Variants in ITGA2 observed in about 807,000 individuals in gnomAD.
ITGA2 encodes integrin alpha-2.
A neutral mutation model predicts 146.3 loss-of-function variants in ITGA2; 101 were observed. The observed-to-expected ratio is 0.69, with a 90% CI of 0.59 to 0.81. ITGA2 has a LOEUF of 0.81. Ranked by LOEUF, ITGA2 falls within the 40% of genes least tolerant of loss-of-function variation. The probability of loss-of-function intolerance (pLI) is 0.00; values close to 1 mark genes in which losing one functional copy is unlikely to be tolerated. For missense variants in ITGA2, 1,281 were observed against 1,402.7 expected (o/e 0.91, Z 1.39); for synonymous variants, 477 against 487.1 (o/e 0.98, Z 0.27).
intron 5 of ITGA2, 67 bp downstream of exon 5, chr5:53,048,544 A>G: frequency 6.2e-7 from 1 of 1,608,302 alleles, no homozygotes; most frequent in Non-Finnish European, 8.5e-7. Context: ...AAAGGTTATC[A>G]ACTAGTGGCA....
intron 9 of ITGA2, among the ~76,000 whole-genome samples, chr5:53,057,297 C>G (rs189792423): frequency 2.3e-4 from 35 of 152,068 alleles, no homozygotes; most frequent in African/African-American, 7.9e-4. Context: ...CTAAATAAGA[C>G]TATGTTGTAC....
rs1341102199 is a variant in ITGA2 at position 53,026,882 on chromosome 5, CTT to C, written c.185+15_185+16del. On this transcript the variant is annotated intron_variant, in intron 2 of 29. Coordinates refer to ENST00000296585, the MANE Select transcript of ITGA2 (RefSeq NM_002203.4). ...AAAAGGCAACTGGTAAGAATATTCT[CTT>C]CTTTATGATTTCAGTAAAAATACAA... 1.2e-6 allele frequency: 2 copies of C among 1,605,152 alleles called. No individual in the cohort carries two copies. Among genetic ancestry groups the C allele is most frequent in the South Asian group, 2.2e-5 (2 of 90,638 alleles).
intron 1 of ITGA2, among the ~76,000 whole-genome samples, chr5:53,018,235 G>T (rs1742495276): frequency 1.3e-5 from 2 of 152,184 alleles, no homozygotes; most frequent in African/African-American, 4.8e-5. Flanking sequence ...CTTGAGGGAT[G>T]GGCGTTCTTG....
intron 2 of ITGA2, among the ~76,000 whole-genome samples, chr5:53,031,820 G>T (rs1039015498): frequency 8.5e-5 from 13 of 152,304 alleles, no homozygotes; most frequent in Admixed American, 7.8e-4. Context: ...GGGCCATCCC[G>T]CTTCAGAGCC....
intron 23 of ITGA2, among the ~76,000 whole-genome samples, chr5:53,076,647 C>T (rs1388736864): frequency 6.6e-6 from 1 of 151,890 alleles, no homozygotes. Flanking sequence ...TTTGTCAATA[C>T]AGTCTTTTTA....
At chr5:53,015,317 G>T (rs577139781) in intron 1 of ITGA2, among the ~76,000 whole-genome samples, 3 of 152,244 alleles carry the variant, frequency 2.0e-5, no homozygotes, top group East Asian at 1.9e-4. Flanking sequence ...TAGTTTCAAA[G>T]AATTTCTTGA....
At chr5:53,036,355 GC>G (rs1264420911) in intron 2 of ITGA2, among the ~76,000 whole-genome samples, 4 of 152,074 alleles carry the variant, frequency 2.6e-5, no homozygotes, top group African/African-American at 9.7e-5. Flanking sequence ...ATTTCCCTCA[GC>G]TGGAAAGCTG....
At chr5:53,064,827 G>A (rs41311327) in intron 13 of ITGA2, 85 bp from the exon 14 acceptor site, 708 of 1,318,672 alleles carry the variant, frequency 5.4e-4, no homozygotes, top group Non-Finnish European at 6.4e-4. Context: ...TTACAGGCAT[G>A]AGCCACCACA....
chr5:53,086,992 T>C lies in ITGA2; in HGVS notation c.3299T>C (p.Ile1100Thr), dbSNP rs1579912769. ...QTVQLTAAAE[I>T]NTYNPEIYVI... ...GTACAGCTAACGGCAGCTGCAGAAA[T>C]CAACACCTATAACCCTGAGATATAT... Residue 1100 changes from isoleucine to threonine, a missense_variant, in exon 28 of 30, where the codon ATC becomes ACC. By Grantham distance (89) the Ile-to-Thr change is moderately conservative. This residue lies in a region of ITGA2 where 475 missense variants were observed against 530.5 expected (regional missense o/e 0.90). Coordinates refer to ENST00000296585, the MANE Select transcript of ITGA2 (RefSeq NM_002203.4). 1 of 1,613,764 alleles carries C rather than the reference T, an allele frequency of 6.2e-7. No homozygotes were observed. Among genetic ancestry groups the C allele is most frequent in the African/African-American group, 1.3e-5 (1 of 74,918 alleles).
intron 1 of ITGA2, among the ~76,000 whole-genome samples, chr5:52,993,828 A>G (rs1162248634): frequency 6.6e-6 from 1 of 152,220 alleles, no homozygotes; most frequent in African/African-American, 2.4e-5. Flanking sequence ...AGTCTTGACT[A>G]CCAACACTGC....
chr5:53,051,318 TCTAAATGTA>T, intron 6 of ITGA2, 84 bp from the exon 7 acceptor site: 2 of 1,353,650 alleles, frequency 1.5e-6, no homozygotes, highest in South Asian at 2.4e-5. Context: ...CCGGCCCATG[TCTAAATGTA>T]CTTTTGATTT....
intron 1 of ITGA2, among the ~76,000 whole-genome samples, chr5:53,001,813 TAAAAAAAAA>T (rs34186143): frequency 9.1e-6 from 1 of 110,318 alleles, no homozygotes; most frequent in Non-Finnish European, 1.8e-5. Flanking sequence ...AGGCCCTTTC[TAAAAAAAAA>T]AAAAAAAAAA....
chr5:53,071,314 T>C (rs1477733200), intron 17 of ITGA2, among the ~76,000 whole-genome samples: 3 of 151,928 alleles, frequency 2.0e-5, no homozygotes, highest in African/African-American at 7.2e-5. Context: ...GATCAGATTA[T>C]ACATGCAATC....
intron 23 of ITGA2, among the ~76,000 whole-genome samples, chr5:53,077,956 T>C (rs557601793): frequency 6.6e-6 from 1 of 152,104 alleles, no homozygotes; most frequent in East Asian, 1.9e-4. Context: ...GCTCATCCCC[T>C]AATCCCCCAC....
intron 23 of ITGA2, among the ~76,000 whole-genome samples, chr5:53,078,468 CT>C (rs1745759287): frequency 6.6e-6 from 1 of 152,102 alleles, no homozygotes; most frequent in Non-Finnish European, 1.5e-5. Flanking sequence ...AAGACTTCTA[CT>C]ATCAATTCTA....
At chr5:53,077,444 G>A (rs1406162717) in intron 23 of ITGA2, among the ~76,000 whole-genome samples, 2 of 152,008 alleles carry the variant, frequency 1.3e-5, no homozygotes, top group Non-Finnish European at 2.9e-5. Context: ...ATCCCCCTGA[G>A]TATAGATATT....
At chr5:52,991,059 G>A (rs1024854611) in intron 1 of ITGA2, among the ~76,000 whole-genome samples, 2 of 152,156 alleles carry the variant, frequency 1.3e-5, no homozygotes, top group Admixed American at 6.5e-5. Flanking sequence ...TTAATGGAAT[G>A]TAACGCTGCA....
rs1457519295 is a variant in ITGA2, at chr5:53,065,899, T to G, written c.1865T>G (p.Leu622Trp). 1 of 1,612,170 alleles carries G rather than the reference T, an allele frequency of 6.2e-7. No homozygotes were observed. Among genetic ancestry groups the G allele is most frequent in the Non-Finnish European group, 8.5e-7 (1 of 1,178,770 alleles). Reference protein sequence around the residue: ...RSHLQYFGRSLDGYGDLNGDS... With the variant: ...RSHLQYFGRSWDGYGDLNGDS... ...CATCTCCAGTACTTTGGGAGGTCCT[T>G]GGATGGCTATGGAGATTTAAATGGG... The change falls in exon 15 of 30, where the codon TTG (leucine) becomes TGG (tryptophan). Residue 622 changes from leucine (L) to tryptophan (W), a missense_variant. Coordinates refer to ENST00000296585, the MANE Select transcript of ITGA2 (RefSeq NM_002203.4).
At chr5:53,072,796 C>T (rs1232228886) in intron 19 of ITGA2, 101 bp downstream of exon 19, 9 of 1,001,800 alleles carry the variant, frequency 9.0e-6, no homozygotes, top group Admixed American at 8.4e-5. Flanking sequence ...ACAAAAGAAA[C>T]ATTCATAACT....
Sources: allele counts gnomAD v4.1 joint callset (sites outside exome capture counted in the v4.1 genomes callset), GRCh38; gene constraint gnomAD v4.1.1; regional missense constraint gnomAD v4.1.1; transcripts MANE v1.5; gene names NCBI Gene and HGNC (gene_info 2026-07-23, HGNC 2026-07-21).